The following CNTNAP2 variants were observed in gnomAD, a reference collection of about 807,000 sequenced individuals.
CNTNAP2 encodes the protein contactin associated protein 2, also known as contactin-associated protein-like 2.
CNTNAP2 carries 98 observed loss-of-function variants against 155.2 expected under a neutral mutation model. The observed-to-expected ratio is 0.63, with a 90% CI of 0.54 to 0.75. CNTNAP2 has a LOEUF of 0.75. CNTNAP2 is among the 30% of genes least tolerant of loss of function. The pLI, the probability that CNTNAP2 is intolerant of heterozygous loss-of-function variation, is 0.00. For synonymous variants in CNTNAP2, 651 were observed against 631.2 expected (o/e 1.03, Z -0.47); for missense variants, 1,727 against 1,688.1 (o/e 1.02, Z -0.40).
chr7:146,580,753 A>G (rs990809392), intron 1 of CNTNAP2, among the ~76,000 whole-genome samples: 1 of 152,120 alleles, frequency 6.6e-6, no homozygotes. Flanking sequence ...GATAAATATT[A>G]TTAAAATGTA....
At chr7:146,676,232 C>T (rs375678169) in intron 1 of CNTNAP2, among the ~76,000 whole-genome samples, 38 of 151,950 alleles carry the variant, frequency 2.5e-4, no homozygotes, top group African/African-American at 4.8e-4. Flanking sequence ...AATAAATATG[C>T]GAAATCTAAA....
chr7:146,651,935 T>C (rs1799921721), intron 1 of CNTNAP2, among the ~76,000 whole-genome samples: 1 of 152,182 alleles, frequency 6.6e-6, no homozygotes, highest in Admixed American at 6.6e-5. Flanking sequence ...GATGGGCTTA[T>C]ATTATGATAG....
chr7:147,905,042 C>T (rs1250876349), intron 14 of CNTNAP2, among the ~76,000 whole-genome samples: 2 of 152,164 alleles, frequency 1.3e-5, no homozygotes, highest in African/African-American at 2.4e-5. Flanking sequence ...ATCAGTCATT[C>T]ATTCAACAAA....
At chr7:147,635,054 C>T (rs1795152346) in intron 12 of CNTNAP2, among the ~76,000 whole-genome samples, 1 of 152,066 alleles carries the variant, frequency 6.6e-6, no homozygotes, top group Admixed American at 6.6e-5. Context: ...CTACCTTACA[C>T]ATTCAAATGT....
At chr7:146,145,194 C>T (rs1007017379) in intron 1 of CNTNAP2, among the ~76,000 whole-genome samples, 3 of 152,166 alleles carry the variant, frequency 2.0e-5, no homozygotes, top group Non-Finnish European at 2.9e-5. Flanking sequence ...CTCTATCCCC[C>T]GTGTCCATGA....
chr7:146,663,609 C>A (rs577969518), intron 1 of CNTNAP2, among the ~76,000 whole-genome samples: 1 of 151,824 alleles, frequency 6.6e-6, no homozygotes, highest in African/African-American at 2.4e-5. Flanking sequence ...ATATTTTCTT[C>A]GCTTTAATTT....
intron 13 of CNTNAP2, among the ~76,000 whole-genome samples, chr7:147,730,366 A>G (rs140300182): frequency 1.4e-4 from 21 of 152,240 alleles, no homozygotes; most frequent in African/African-American, 4.3e-4. Flanking sequence ...ATTTTCTTGC[A>G]GCATTTGCTC....
intron 1 of CNTNAP2, among the ~76,000 whole-genome samples, chr7:146,321,201 A>C (rs1800995309): frequency 6.6e-6 from 1 of 152,232 alleles, no homozygotes; most frequent in South Asian, 2.1e-4. Context: ...AGATTAAAAA[A>C]CAAAATAAAA....
intron 1 of CNTNAP2, among the ~76,000 whole-genome samples, chr7:146,614,710 A>C (rs1203390116): frequency 6.6e-6 from 1 of 152,206 alleles, no homozygotes; most frequent in Admixed American, 6.5e-5. Context: ...CTACACAACT[A>C]ATGTATACTG....
At chr7:146,227,857 G>T (rs1194858764) in intron 1 of CNTNAP2, among the ~76,000 whole-genome samples, 1 of 152,212 alleles carries the variant, frequency 6.6e-6, no homozygotes, top group Non-Finnish European at 1.5e-5. Flanking sequence ...GGTGAGAATT[G>T]TTCCAAGTGA....
chr7:146,626,029 G>T (rs1354763747), intron 1 of CNTNAP2, among the ~76,000 whole-genome samples: 1 of 152,030 alleles, frequency 6.6e-6, no homozygotes, highest in Non-Finnish European at 1.5e-5. Context: ...TCTTCTGAAA[G>T]ACATACATTG....
chr7:146,824,639 C>T (rs887782675), intron 2 of CNTNAP2, among the ~76,000 whole-genome samples: 16 of 151,920 alleles, frequency 1.1e-4, no homozygotes, highest in Admixed American at 2.6e-4. Flanking sequence ...TAATGACCAG[C>T]GATCATGAGC....
chr7:146,303,791 T>G (rs964271493), intron 1 of CNTNAP2, among the ~76,000 whole-genome samples: 1 of 152,158 alleles, frequency 6.6e-6, no homozygotes, highest in Non-Finnish European at 1.5e-5. Flanking sequence ...GTCTGCTTGG[T>G]GCAGAGCTGA....
intron 1 of CNTNAP2, among the ~76,000 whole-genome samples, chr7:146,685,728 A>G (rs768505209): frequency 1.7e-5 from 2 of 119,564 alleles, no homozygotes; most frequent in Admixed American, 7.9e-5. Context: ...GGTGAATTAG[A>G]AAAAAAAAAT....
chr7:147,131,517 G>T (rs965524322), intron 7 of CNTNAP2, among the ~76,000 whole-genome samples: 1 of 151,434 alleles, frequency 6.6e-6, no homozygotes, highest in Non-Finnish European at 1.5e-5. Context: ...AGAAGGGGAG[G>T]GGAAAGCCTG....
intron 8 of CNTNAP2, among the ~76,000 whole-genome samples, chr7:147,176,441 A>C (rs1021530582): frequency 6.6e-6 from 1 of 151,868 alleles, no homozygotes. Flanking sequence ...GATATTGTGC[A>C]GATGGATGTT....
intron 1 of CNTNAP2, among the ~76,000 whole-genome samples, chr7:146,276,089 A>T (rs1394882369): frequency 6.6e-6 from 1 of 152,206 alleles, no homozygotes; most frequent in African/African-American, 2.4e-5. Context: ...ACATTCCTAG[A>T]GACTAGTACG....
intron 1 of CNTNAP2, among the ~76,000 whole-genome samples, chr7:146,405,913 T>A (rs2129109668): frequency 6.6e-6 from 1 of 152,312 alleles, no homozygotes; most frequent in Non-Finnish European, 1.5e-5. Flanking sequence ...CGATGACAAC[T>A]GGGAGCAAAT....
chr7:148,325,857 G>A (rs1797875374), intron 21 of CNTNAP2, among the ~76,000 whole-genome samples: 1 of 152,060 alleles, frequency 6.6e-6, no homozygotes, highest in Non-Finnish European at 1.5e-5. Context: ...CCTTCCCCAG[G>A]CCCAAGGAGC....
Sources: allele counts gnomAD v4.1 joint callset (sites outside exome capture counted in the v4.1 genomes callset), GRCh38; gene constraint gnomAD v4.1.1; transcripts MANE v1.5; gene names NCBI Gene and HGNC (gene_info 2026-07-23, HGNC 2026-07-21).